Variants in ARSB observed in about 807,000 individuals in gnomAD.
The protein encoded by ARSB is arylsulfatase B.
A neutral mutation model predicts 50.9 loss-of-function variants in ARSB; 41 were observed. That is an observed-to-expected ratio of 0.81 (90% CI 0.63 to 1.04). ARSB has a LOEUF of 1.04. ARSB is among the 50% of genes least tolerant of loss of function. The pLI, the probability that ARSB is intolerant of heterozygous loss-of-function variation, is 0.00. For synonymous variants in ARSB, 269 were observed against 284.8 expected (o/e 0.94, Z 0.56); for missense variants, 672 against 693.3 (o/e 0.97, Z 0.35).
chr5:78,845,640 C>T (rs1475708674), intron 5 of ARSB, among the ~76,000 whole-genome samples: 1 of 152,066 alleles, frequency 6.6e-6, no homozygotes, highest in Non-Finnish European at 1.5e-5. Context: ...TGATGTTGAG[C>T]ATTTTTAAAA....
intron 5 of ARSB, among the ~76,000 whole-genome samples, chr5:78,856,456 A>G (rs1746146395): frequency 1.3e-5 from 2 of 152,250 alleles, no homozygotes; most frequent in Admixed American, 6.5e-5. Context: ...ATCTTAATAT[A>G]TGCCATATAG....
chr5:78,859,762 G>A lies in ARSB; in HGVS notation c.1143-20336C>T, dbSNP rs73769204. On this transcript the variant is annotated intron_variant, in intron 5 of 7. Transcript: ENST00000264914. ...ATCTTCCATGAACTGTCCTTAGAGA[G>A]GCACCATTGTGCCTCCTCTCACCCC... Among the ~76,000 whole-genome samples, 814 of 152,038 alleles carry A rather than the reference G, an allele frequency of 5.4e-3. 12 individuals carry two copies. The highest frequency in any genetic ancestry group is 0.019 in the African/African-American group (785 of 41,480).
chr5:78,854,550 C>G (rs1278582883), intron 5 of ARSB, among the ~76,000 whole-genome samples: 1 of 152,214 alleles, frequency 6.6e-6, no homozygotes, highest in African/African-American at 2.4e-5. Context: ...AAAAGTTCCT[C>G]TTGTTATTGA....
chr5:78,953,464 A>C (rs778729821), intron 4 of ARSB, among the ~76,000 whole-genome samples: 1 of 152,268 alleles, frequency 6.6e-6, no homozygotes. Context: ...ACTAATTCGC[A>C]TGAAACACTT....
chr5:78,801,618 T>C (rs1580982362), intron 6 of ARSB, among the ~76,000 whole-genome samples: 2 of 152,194 alleles, frequency 1.3e-5, no homozygotes, highest in Admixed American at 6.5e-5. Flanking sequence ...GTCTGCGTCA[T>C]CTGCCCTGTC....
intron 4 of ARSB, among the ~76,000 whole-genome samples, chr5:78,916,815 C>G (rs1749566997): frequency 1.3e-5 from 2 of 152,102 alleles, no homozygotes; most frequent in South Asian, 4.2e-4. Context: ...ATTATAAACA[C>G]ATAGATACAC....
chr5:78,882,600 T>C (rs867623742), intron 5 of ARSB, among the ~76,000 whole-genome samples: 7 of 152,132 alleles, frequency 4.6e-5, no homozygotes, highest in African/African-American at 1.7e-4. Flanking sequence ...ATCCATGCGA[T>C]TGAATGTGCA....
intron 5 of ARSB, among the ~76,000 whole-genome samples, chr5:78,876,933 C>A (rs555767647): frequency 2.0e-5 from 3 of 152,270 alleles, no homozygotes; most frequent in Middle Eastern, 3.4e-3. Flanking sequence ...ACGGTGTATG[C>A]TTCTTATGAG....
intron 5 of ARSB, among the ~76,000 whole-genome samples, chr5:78,876,812 G>A (rs191392497): frequency 4.6e-5 from 7 of 152,260 alleles, no homozygotes; most frequent in Admixed American, 3.3e-4. Context: ...GGAGGTGAGC[G>A]GTGGGCTAGC....
At chr5:78,856,289 C>A (rs1027358668) in intron 5 of ARSB, among the ~76,000 whole-genome samples, 13 of 152,146 alleles carry the variant, frequency 8.5e-5, no homozygotes, top group Admixed American at 3.3e-4. Flanking sequence ...GTTCTAAATT[C>A]TTGATTTTGT....
intron 5 of ARSB, among the ~76,000 whole-genome samples, chr5:78,879,397 C>T (rs1747639117): frequency 6.6e-6 from 1 of 152,266 alleles, no homozygotes; most frequent in Middle Eastern, 3.4e-3. Flanking sequence ...CTGAAGCAGT[C>T]GAAGGAGCTC....
At chr5:78,781,773 G>T in intron 7 of ARSB, 79 bp downstream of exon 7, 1 of 1,574,188 alleles carries the variant, frequency 6.4e-7, no homozygotes, top group Non-Finnish European at 8.7e-7. Context: ...AGGGCAGATA[G>T]ACTGGAGATA....
intron 5 of ARSB, among the ~76,000 whole-genome samples, chr5:78,845,008 C>T (rs1487800282): frequency 6.6e-6 from 1 of 151,988 alleles, no homozygotes; most frequent in African/African-American, 2.4e-5. Context: ...CTTTTATATC[C>T]ATTAACTAAC....
At chr5:78,926,101 A>C (rs1241751028) in intron 4 of ARSB, among the ~76,000 whole-genome samples, 4 of 152,200 alleles carry the variant, frequency 2.6e-5, no homozygotes, top group African/African-American at 4.8e-5. Flanking sequence ...AATATGTTTT[A>C]CAATATGGAT....
intron 5 of ARSB, among the ~76,000 whole-genome samples, chr5:78,865,393 G>T (rs1324223681): frequency 2.6e-5 from 4 of 152,118 alleles, no homozygotes; most frequent in African/African-American, 9.7e-5. Context: ...GGAGTGGCTG[G>T]GACACAGGGC....
chr5:78,793,736 C>A (rs1743069264), intron 6 of ARSB, among the ~76,000 whole-genome samples: 1 of 152,078 alleles, frequency 6.6e-6, no homozygotes, highest in Admixed American at 6.5e-5. Flanking sequence ...CAGTGATGAT[C>A]AATTTTGATG....
chr5:78,853,827 A>G (rs112307407), intron 5 of ARSB, among the ~76,000 whole-genome samples: 21,234 of 152,230 alleles, frequency 0.14, 1,545 homozygotes, highest in Middle Eastern at 0.2. Flanking sequence ...TGTGCTAGCA[A>G]TCAGCGAAAC....
intron 5 of ARSB, among the ~76,000 whole-genome samples, chr5:78,849,614 T>A (rs1002588716): frequency 9.2e-5 from 14 of 151,878 alleles, no homozygotes; most frequent in Non-Finnish European, 1.2e-4. Context: ...ATTGGTAGCT[T>A]GATGGGGATG....
chr5:78,801,824 GA>G (rs373398484), intron 6 of ARSB, among the ~76,000 whole-genome samples: 8 of 152,018 alleles, frequency 5.3e-5, no homozygotes, highest in African/African-American at 1.5e-4. Context: ...GCTGCAAAAT[GA>G]AAGGAGCTGT....
Sources: allele counts gnomAD v4.1 joint callset (sites outside exome capture counted in the v4.1 genomes callset), GRCh38; gene constraint gnomAD v4.1.1; transcripts MANE v1.5; gene names NCBI Gene and HGNC (gene_info 2026-07-23, HGNC 2026-07-21).